The following UBR3 variants were observed in gnomAD, a reference collection of about 807,000 sequenced individuals.
The protein encoded by UBR3 is ubiquitin protein ligase E3 component n-recognin 3.
UBR3 carries 85 observed loss-of-function variants against 243.2 expected under a neutral mutation model. The ratio of observed to expected loss-of-function variants is 0.35; its 90% CI spans 0.29 to 0.42. The LOEUF (loss-of-function observed/expected upper bound fraction) is 0.42. Ranked by LOEUF, UBR3 falls within the 10% of genes least tolerant of loss-of-function variation. The pLI is 1.00. For missense variants in UBR3, 1,686 were observed against 2,300.8 expected (o/e 0.73, Z 5.47); for synonymous variants, 748 against 799.8 (o/e 0.94, Z 1.09).
At chr2:169,894,436 T>C (rs1198581853) in intron 6 of UBR3, among the ~76,000 whole-genome samples, 1 of 151,692 alleles carries the variant, frequency 6.6e-6, no homozygotes, top group Non-Finnish European at 1.5e-5. Flanking sequence ...AATTAGGGAG[T>C]TGGAAGATAT....
intron 30 of UBR3, among the ~76,000 whole-genome samples, chr2:170,020,977 C>G (rs1357097320): frequency 6.6e-6 from 1 of 152,062 alleles, no homozygotes; most frequent in Non-Finnish European, 1.5e-5. Context: ...ATCGTTTGCA[C>G]TGTGCTTGAA....
At chr2:169,910,341 C>A (rs6739481) in intron 10 of UBR3, among the ~76,000 whole-genome samples, 7 of 152,136 alleles carry the variant, frequency 4.6e-5, no homozygotes, top group African/African-American at 7.2e-5. Context: ...CACGGAAGAC[C>A]GAGCCTCAGT....
At chr2:170,067,443 A>G (rs2091597613) in intron 35 of UBR3, among the ~76,000 whole-genome samples, 1 of 152,228 alleles carries the variant, frequency 6.6e-6, no homozygotes, top group Non-Finnish European at 1.5e-5. Context: ...GTGCCTTCTT[A>G]GTAATCAATA....
chr2:169,876,091 T>TTC, intron 3 of UBR3, 142 bp downstream of exon 3: 1 of 821,556 alleles, frequency 1.2e-6, no homozygotes, highest in East Asian at 3.5e-5. Flanking sequence ...CTTCTTTTTT[T>TTC]TTTTTTTTTT....
intron 24 of UBR3, among the ~76,000 whole-genome samples, chr2:169,970,642 A>G (rs1482487103): frequency 8.3e-6 from 1 of 120,032 alleles, no homozygotes; most frequent in Non-Finnish European, 1.8e-5. Context: ...TGTCCCTACA[A>G]AGGACACGAA....
intron 18 of UBR3, among the ~76,000 whole-genome samples, chr2:169,932,076 A>ATTTTTTTTTTTTT (rs140968517): frequency 6.9e-6 from 1 of 145,918 alleles, no homozygotes. Flanking sequence ...TAGCTCATTA[A>ATTTTTTTTTTTTT]TTTTTTTTTT....
chr2:169,967,598 G>C (rs1438715171), intron 24 of UBR3, among the ~76,000 whole-genome samples: 1 of 152,196 alleles, frequency 6.6e-6, no homozygotes, highest in Non-Finnish European at 1.5e-5. Flanking sequence ...TTTGTTATCA[G>C]AAAGGACAAT....
rs1011290114 is a variant in UBR3, at chr2:169,949,647, A to G, written c.3127A>G (p.Arg1043Gly). 2 of 1,550,230 alleles carry G rather than the reference A, an allele frequency of 1.3e-6. No individual in the cohort carries two copies. Among genetic ancestry groups the G allele is most frequent in the African/African-American group, 1.4e-5 (1 of 73,010 alleles). ...AQVFSLVAER[R>G]KKFQEIINRS... is the part of the protein sequence containing the mutation. ...AGTTTTCAGTTTAGTAGCAGAACGT[A>G]GAAAGAAATTTCAGGAAATCATCAA... Residue 1043 changes from arginine to glycine, a missense_variant, in exon 23 of 39, where the codon AGA becomes GGA. Transcript: ENST00000272793.
chr2:170,041,759 A>ATTGT (rs1188082258), intron 32 of UBR3, among the ~76,000 whole-genome samples: 13 of 152,230 alleles, frequency 8.5e-5, no homozygotes, highest in Admixed American at 2.6e-4. Context: ...TGGGGAAGAC[A>ATTGT]TTGTTTATAC....
At chr2:169,937,336 C>T (rs2086379262) in intron 19 of UBR3, among the ~76,000 whole-genome samples, 1 of 152,130 alleles carries the variant, frequency 6.6e-6, no homozygotes, top group Non-Finnish European at 1.5e-5. Context: ...TATCCTTCGC[C>T]CACTTTTTGA....
At chr2:169,895,963 A>G (rs553019224) in intron 7 of UBR3, among the ~76,000 whole-genome samples, 1 of 152,292 alleles carries the variant, frequency 6.6e-6, no homozygotes, top group African/African-American at 2.4e-5. Context: ...CTGCTAAAAA[A>G]AAAAACCAGA....
At chr2:170,002,941 G>A (rs546751205) in intron 27 of UBR3, among the ~76,000 whole-genome samples, 4 of 151,916 alleles carry the variant, frequency 2.6e-5, no homozygotes, top group Admixed American at 6.6e-5. Context: ...GAAGCCTTAC[G>A]CTCCTGAGTT....
intron 35 of UBR3, among the ~76,000 whole-genome samples, chr2:170,064,397 G>A (rs1233185249): frequency 6.6e-6 from 1 of 151,176 alleles, no homozygotes; most frequent in Admixed American, 6.6e-5. Flanking sequence ...CACCTACTAT[G>A]TACCCACAAA....
chr2:169,871,417 A>G (rs1365047898), intron 1 of UBR3, among the ~76,000 whole-genome samples: 18 of 145,336 alleles, frequency 1.2e-4, no homozygotes, highest in African/African-American at 4.3e-4. Context: ...CTTTAAGGGA[A>G]AAAAAAAAAA....
At chr2:169,833,466 A>G (rs1451867001) in intron 1 of UBR3, among the ~76,000 whole-genome samples, 1 of 152,212 alleles carries the variant, frequency 6.6e-6, no homozygotes, top group Non-Finnish European at 1.5e-5. Flanking sequence ...TCTTGTACTT[A>G]GGAGGTGTCA....
intron 30 of UBR3, among the ~76,000 whole-genome samples, chr2:170,027,913 T>C (rs2090572554): frequency 6.6e-6 from 1 of 151,896 alleles, no homozygotes; most frequent in South Asian, 2.1e-4. Context: ...TTTGGGAAAC[T>C]TAACTTGCCT....
intron 27 of UBR3, among the ~76,000 whole-genome samples, chr2:170,006,072 A>G (rs1486664255): frequency 6.6e-6 from 1 of 152,156 alleles, no homozygotes; most frequent in Admixed American, 6.5e-5. Context: ...CTTTGGAATT[A>G]AGGCTGTCAA....
At chr2:169,970,041 A>G (rs543883166) in intron 24 of UBR3, among the ~76,000 whole-genome samples, 128 of 151,060 alleles carry the variant, frequency 8.5e-4, no homozygotes, top group Non-Finnish European at 2.4e-4. Context: ...ACCTCTGTGA[A>G]GAATGTCATT....
chr2:170,071,499 T>C (rs1381468), intron 35 of UBR3, among the ~76,000 whole-genome samples: 149,250 of 152,214 alleles, frequency 0.98, 73,223 homozygotes, highest in East Asian at 1. Context: ...AATTTTAGGG[T>C]GTGATGGAAT....
Sources: allele counts gnomAD v4.1 joint callset (sites outside exome capture counted in the v4.1 genomes callset), GRCh38; gene constraint gnomAD v4.1.1; transcripts MANE v1.5; gene names NCBI Gene and HGNC (gene_info 2026-07-23, HGNC 2026-07-21).